Variants in CA10 observed in about 807,000 individuals in gnomAD.
CA10 encodes the protein carbonic anhydrase-related protein 10.
Under a neutral mutation model 44.2 loss-of-function variants are expected in CA10, and 14 were observed. The ratio of observed to expected loss-of-function variants is 0.32; its 90% confidence interval spans 0.21 to 0.50. The LOEUF (loss-of-function observed/expected upper bound fraction) is 0.50, where lower values mean the gene tolerates loss of function less well. Among genes scored for constraint, CA10 ranks in the 20% least tolerant of loss-of-function variants. The probability of loss-of-function intolerance (pLI) is 0.99; values close to 1 mark genes in which losing one functional copy is unlikely to be tolerated. For synonymous variants in CA10, 159 were observed against 141.6 expected (o/e 1.12, Z -0.87); for missense variants, 350 against 409.7 (o/e 0.85, Z 1.26).
At chr17:51,742,396 C>T (rs978120870) in intron 4 of CA10, among the ~76,000 whole-genome samples, 2 of 152,196 alleles carry the variant, frequency 1.3e-5, no homozygotes, top group Non-Finnish European at 2.9e-5. Flanking sequence ...CCTCACAAGC[C>T]ATTCATTGCC....
At chr17:52,082,753 A>G (rs1988016846) in intron 1 of CA10, among the ~76,000 whole-genome samples, 1 of 152,230 alleles carries the variant, frequency 6.6e-6, no homozygotes, top group Non-Finnish European at 1.5e-5. Context: ...AATGCTAACC[A>G]TTTAAATATA....
intron 3 of CA10, among the ~76,000 whole-genome samples, chr17:51,805,896 G>C (rs1907113584): frequency 6.6e-6 from 1 of 152,216 alleles, no homozygotes; most frequent in Non-Finnish European, 1.5e-5. Flanking sequence ...AAATGAGGAA[G>C]ACAGTGGTGA....
intron 3 of CA10, among the ~76,000 whole-genome samples, chr17:51,837,079 A>AACACACACACACAC (rs5820881): frequency 6.7e-6 from 1 of 149,858 alleles, no homozygotes; most frequent in Non-Finnish European, 1.5e-5. Flanking sequence ...GAGTTCAGAC[A>AACACACACACACAC]ACACACACAC....
chr17:51,986,595 TCA>T (rs1052770061), intron 2 of CA10, among the ~76,000 whole-genome samples: 26 of 152,160 alleles, frequency 1.7e-4, no homozygotes, highest in African/African-American at 6.0e-4. Flanking sequence ...GAGAAAATTT[TCA>T]CAGTCTATAC....
Position 51,728,560 on chromosome 17 carries a change from T to C in CA10, c.465+19073A>G, listed in dbSNP as rs1916605348. ...TGTCCCTCAGTTTATGTTTGTCTGA[T>C]GCTCTCTTACAATTATTCTGGGCTT... On this transcript the variant is annotated intron_variant, in intron 4 of 8. Coordinates refer to ENST00000451037, the MANE Select transcript of CA10 (RefSeq NM_020178.5). Among the ~76,000 whole-genome samples the C allele has an allele frequency of 2.0e-5, 3 of 152,208 alleles. No individual in the cohort carries two copies. In the South Asian group the frequency reaches 6.2e-4, roughly 32 times the overall value.
rs1342034050 is a variant in CA10 at position 51,633,771 on chromosome 17, T to A, written c.790-121A>T. On this transcript the variant is annotated intron_variant, in intron 7 of 8. Transcript: ENST00000451037. The stretch of plus-strand genomic sequence containing the variant: ...TTGGCTGTATGAGGAAAGGGCTGTA[T>A]AAGCCCCACAGAGTCCCTTTTTTCC... 6.6e-6 allele frequency: 7 copies of A among 1,055,318 alleles called. No homozygotes were observed. In the South Asian group the frequency reaches 1.0e-4, roughly 16 times the overall value. The allele number at this position is 1,055,318 out of a possible 1,614,324, so 65.4% of individuals were successfully genotyped here.
intron 1 of CA10, among the ~76,000 whole-genome samples, chr17:52,079,742 C>A (rs555431009): frequency 6.6e-6 from 1 of 152,266 alleles, no homozygotes; most frequent in African/African-American, 2.4e-5. Flanking sequence ...TGACACCCTG[C>A]CTAGGGAAAT....
intron 1 of CA10, among the ~76,000 whole-genome samples, chr17:52,146,532 T>C (rs1249695512): frequency 6.6e-6 from 1 of 151,548 alleles, no homozygotes; most frequent in Non-Finnish European, 1.5e-5. Flanking sequence ...CTACTAAAAA[T>C]ACAAAAAATC....
At chr17:51,979,215 C>A (rs899462459) in intron 2 of CA10, among the ~76,000 whole-genome samples, 10 of 152,016 alleles carry the variant, frequency 6.6e-5, no homozygotes, top group Admixed American at 2.6e-4. Flanking sequence ...TATGACACAG[C>A]CTTAATGAGA....
At chr17:52,140,562 C>A (rs1405898003) in intron 1 of CA10, among the ~76,000 whole-genome samples, 1 of 152,166 alleles carries the variant, frequency 6.6e-6, no homozygotes. Flanking sequence ...ATGTAACAAC[C>A]ATTCTTAGCC....
At chr17:51,716,270 T>C (rs1457911777) in intron 4 of CA10, among the ~76,000 whole-genome samples, 2 of 152,144 alleles carry the variant, frequency 1.3e-5, no homozygotes, top group Non-Finnish European at 2.9e-5. Context: ...TGATATATTA[T>C]AGACTCTTTA....
intron 3 of CA10, among the ~76,000 whole-genome samples, chr17:51,921,495 C>T (rs1982231216): frequency 1.3e-5 from 2 of 152,188 alleles, no homozygotes; most frequent in Admixed American, 6.6e-5. Flanking sequence ...GATGCATAGA[C>T]AGAGAAAACT....
chr17:51,759,358 CTGTGTGTGTGTGTGTG>C (rs5820879), intron 3 of CA10, among the ~76,000 whole-genome samples: 3 of 141,996 alleles, frequency 2.1e-5, no homozygotes, highest in South Asian at 2.3e-4. Flanking sequence ...CTTCTTTGCT[CTGTGTGTGTGTGTGTG>C]TGTGTGTGTG....
At chr17:51,706,333 T>G (rs1233382836) in intron 4 of CA10, among the ~76,000 whole-genome samples, 1 of 152,244 alleles carries the variant, frequency 6.6e-6, no homozygotes, top group Non-Finnish European at 1.5e-5. Flanking sequence ...TTGCCAGAAA[T>G]GAGCTCTCAT....
chr17:51,804,078 ATTAT>A (rs1275460359), intron 3 of CA10, among the ~76,000 whole-genome samples: 2 of 152,184 alleles, frequency 1.3e-5, no homozygotes, highest in Non-Finnish European at 2.9e-5. Context: ...TGCATAATAA[ATTAT>A]TTATTATACA....
chr17:51,969,010 AATC>A (rs754065662), intron 2 of CA10, among the ~76,000 whole-genome samples: 7 of 152,174 alleles, frequency 4.6e-5, no homozygotes, highest in Admixed American at 6.6e-5. Flanking sequence ...GGTCTTAAAG[AATC>A]ATCAAAGCAT....
chr17:51,853,194 A>G (rs775210105), intron 3 of CA10, among the ~76,000 whole-genome samples: 2 of 152,240 alleles, frequency 1.3e-5, no homozygotes, highest in East Asian at 1.9e-4. Flanking sequence ...TAAAGTCCCA[A>G]TGATGATATT....
chr17:51,896,113 A>T (rs1249662124), intron 3 of CA10, among the ~76,000 whole-genome samples: 1 of 152,068 alleles, frequency 6.6e-6, no homozygotes, highest in Non-Finnish European at 1.5e-5. Context: ...TATTGGGTTC[A>T]GGGGTACATG....
intron 1 of CA10, among the ~76,000 whole-genome samples, chr17:52,108,869 A>G (rs529606112): frequency 6.6e-6 from 1 of 152,272 alleles, no homozygotes; most frequent in East Asian, 1.9e-4. Flanking sequence ...GAACTTACCC[A>G]TGTAATCAAA....
Sources: allele counts gnomAD v4.1 joint callset (sites outside exome capture counted in the v4.1 genomes callset), GRCh38; gene constraint gnomAD v4.1.1; transcripts MANE v1.5; gene names NCBI Gene and HGNC (gene_info 2026-07-23, HGNC 2026-07-21).